LONRF1: variants seen among roughly 807,000 people sequenced by gnomAD.
LONRF1 encodes the protein LON peptidase N-terminal domain and RING finger protein 1.
A neutral mutation model predicts 85.8 loss-of-function variants in LONRF1; 37 were observed. That is an observed-to-expected ratio of 0.43 (90% CI 0.33 to 0.57). LONRF1 has a LOEUF of 0.57. Among genes scored for constraint, LONRF1 ranks in the 20% least tolerant of loss-of-function variants. The pLI, the probability that LONRF1 is intolerant of heterozygous loss-of-function variation, is 0.04. For missense variants in LONRF1, 1,036 were observed against 978.0 expected, an observed-to-expected ratio of 1.06 and a Z score of -0.79; for synonymous variants, 517 against 390.1, an observed-to-expected ratio of 1.33 and a Z score of -3.83.
chr8:12,751,310 T>TTTTTTTTTTTTTG (rs1799391566), intron 1 of LONRF1, among the ~76,000 whole-genome samples: 1 of 132,150 alleles, frequency 7.6e-6, no homozygotes, highest in East Asian at 2.1e-4. Flanking sequence ...TTTTTTTTTT[T>TTTTTTTTTTTTTG]TTTTTTTTTT....
At chr8:12,750,141 T>C (rs1473673762) in intron 1 of LONRF1, among the ~76,000 whole-genome samples, 1 of 152,252 alleles carries the variant, frequency 6.6e-6, no homozygotes, top group Non-Finnish European at 1.5e-5. Flanking sequence ...CAACTTTTCT[T>C]ACATCTGTGA....
chr8:12,737,311 C>T lies in LONRF1; in HGVS notation c.1114-171G>A, dbSNP rs1210742529. On this transcript the variant is annotated intron_variant, in intron 4 of 11. Coordinates refer to ENST00000398246, the MANE Select transcript of LONRF1 (RefSeq NM_152271.5). ...GTGACAAGTAAATGATTTTTGCCAGCACAGTTGGCCCTCCGTATCCACAGG... is the reference window on the plus strand; with the variant it reads ...GTGACAAGTAAATGATTTTTGCCAGTACAGTTGGCCCTCCGTATCCACAGG... The T allele has an allele frequency of 8.4e-6, 7 of 831,010 alleles. No individual in the cohort carries two copies. In the Admixed American group the frequency reaches 1.2e-4, roughly 14 times the overall value. The allele number at this position is 831,010 out of a possible 1,614,324, so 51.5% of individuals were successfully genotyped here.
intron 1 of LONRF1, 29 bp downstream of exon 1, chr8:12,754,666 TCGGCC>T: frequency 1.5e-6 from 2 of 1,298,044 alleles, no homozygotes. Context: ...GAGGGTGCGG[TCGGCC>T]CGGCCCCGCC....
chr8:12,747,865 T>G (rs1265867757), intron 1 of LONRF1, among the ~76,000 whole-genome samples: 1 of 152,232 alleles, frequency 6.6e-6, no homozygotes, highest in Non-Finnish European at 1.5e-5. Context: ...CTGTCTGGTC[T>G]GCTGGTGCCT....
In LONRF1 at chr8:12,722,944, A is replaced by C; in HGVS notation, c.*152T>G. 1 of 678,074 alleles carries C rather than the reference A, an allele frequency of 1.5e-6. No homozygotes were observed. 42.0% of individuals were successfully genotyped at this position (678,074 alleles called of 1,614,324 possible). On this transcript the variant is annotated 3_prime_UTR_variant, in exon 12 of 12. Coordinates refer to ENST00000398246, the MANE Select transcript of LONRF1 (RefSeq NM_152271.5). ...GTCTAAATCCTAGTTGAAGGTATTCATTTGCAGAACCACATGATTCAGGAG... is the reference window on the plus strand; with the variant it reads ...GTCTAAATCCTAGTTGAAGGTATTCCTTTGCAGAACCACATGATTCAGGAG...
At chr8:12,728,015 A>G (rs1798386072) in intron 10 of LONRF1, among the ~76,000 whole-genome samples, 1 of 152,204 alleles carries the variant, frequency 6.6e-6, no homozygotes, top group Non-Finnish European at 1.5e-5. Context: ...CTCATCTACT[A>G]TTTCATAGAG....
intron 3 of LONRF1, 86 bp downstream of exon 3, chr8:12,740,788 T>A: frequency 6.6e-7 from 1 of 1,507,248 alleles, no homozygotes; most frequent in Non-Finnish European, 8.9e-7. Flanking sequence ...ACTTATGTTC[T>A]TATTCCAACT....
intron 7 of LONRF1, among the ~76,000 whole-genome samples, chr8:12,734,766 G>T (rs1397328825): frequency 6.6e-6 from 1 of 152,134 alleles, no homozygotes; most frequent in Non-Finnish European, 1.5e-5. Context: ...TTAATAAAAT[G>T]TAAATATAGT....
Position 12,755,111 on chromosome 8 carries a change from C to A in LONRF1, c.310G>T (p.Gly104Cys), listed in dbSNP as rs961740962. The change falls in exon 1 of 12, where the codon GGC becomes TGC. Residue 104 changes from glycine (G) to cysteine (C), a missense_variant. Coordinates refer to ENST00000398246, the MANE Select transcript of LONRF1 (RefSeq NM_152271.5). ...VFNYRLRHGLGWSAAPVAGAD... is the reference protein window; with the variant it reads ...VFNYRLRHGLCWSAAPVAGAD... Reference sequence around the variant, plus strand: ...CCTGCAACCGGGGCCGCGCTCCAGCCCAGCCCGTGGCGGAGCCGGTAGTTG... The same window carrying A: ...CCTGCAACCGGGGCCGCGCTCCAGCACAGCCCGTGGCGGAGCCGGTAGTTG... The A allele has an allele frequency of 2.1e-6, 3 of 1,462,454 alleles. No individual in the cohort carries two copies. Among genetic ancestry groups the A allele is most frequent in the East Asian group, 6.1e-5 (2 of 33,004 alleles). 90.6% of individuals were successfully genotyped at this position (1,462,454 alleles called of 1,614,324 possible).
At chr8:12,753,140 G>C (rs370719468) in intron 1 of LONRF1, 11 of 151,158 alleles carry the variant, frequency 7.3e-5, no homozygotes, top group African/African-American at 2.4e-4. Flanking sequence ...CTTTTTTTTT[G>C]TTCTGAGCCT....
In LONRF1 at chr8:12,754,776, G is replaced by T; in HGVS notation, c.645C>A (p.Ala215=). 6.8e-7 allele frequency: 1 copy of T among 1,473,272 alleles called. No homozygotes were observed. Among genetic ancestry groups the T allele is most frequent in the Non-Finnish European group, 8.9e-7 (1 of 1,120,410 alleles). The allele number at this position is 1,473,272 out of a possible 1,614,324, so 91.3% of individuals were successfully genotyped here. ...GGTGCAGTAGCTCCCCGAGCCTGCC[G>T]GCCGCCCGGGCCCGCTCGCGCTGGC... ...FPGQRERARA[A]GRLGELLHQG... The change falls in exon 1 of 12, where the codon GCC becomes GCA. Residue 215 remains alanine, a synonymous_variant. Transcript: ENST00000398246.
In LONRF1 at chr8:12,722,739, A is replaced by G. The variant is rs1371282771; in HGVS notation, c.*357T>C. ...GTTTGTTTTAAAATTTTAAAGCCAG[A>G]GAAAATACACACACACTACCCAACC... On this transcript the variant is annotated 3_prime_UTR_variant, in exon 12 of 12. Transcript: ENST00000398246. 3 of 158,614 alleles carry G rather than the reference A, an allele frequency of 1.9e-5. No homozygotes were observed. The highest frequency in any genetic ancestry group is 2.8e-5 in the Non-Finnish European group (2 of 72,098). The allele number at this position is 158,614 out of a possible 1,614,324, so 9.8% of individuals were successfully genotyped here.
rs1395658368 is a variant in LONRF1 at position 12,755,040 on chromosome 8, C to G, written c.381G>C (p.Arg127=). ...AGGLLRCLGC[R]GFLSEPVTVP... Reference sequence around the variant, plus strand: ...CGGTCACCGGCTCGCTCAGGAAGCCCCGGCAGCCCAGGCATCTGAGGAGCC... The same window carrying G: ...CGGTCACCGGCTCGCTCAGGAAGCCGCGGCAGCCCAGGCATCTGAGGAGCC... Residue 127 remains arginine, a synonymous_variant, in exon 1 of 12, where the codon CGG becomes CGC. Transcript: ENST00000398246. 2 of 1,490,812 alleles carry G rather than the reference C, an allele frequency of 1.3e-6. No individual in the cohort carries two copies. The highest frequency in any genetic ancestry group is 2.8e-5 in the East Asian group (1 of 35,316). The allele number at this position is 1,490,812 out of a possible 1,614,324, so 92.3% of individuals were successfully genotyped here.
intron 7 of LONRF1, among the ~76,000 whole-genome samples, chr8:12,732,852 A>T (rs1400948204): frequency 6.6e-6 from 1 of 152,198 alleles, no homozygotes; most frequent in Non-Finnish European, 1.5e-5. Flanking sequence ...CCCAATACAT[A>T]TTTATTTCAT....
chr8:12,746,735 A>C (rs1023261108), intron 1 of LONRF1, among the ~76,000 whole-genome samples: 1 of 152,228 alleles, frequency 6.6e-6, no homozygotes, highest in African/African-American at 2.4e-5. Context: ...TATAGAAAAC[A>C]GTGAAGAGTA....
chr8:12,752,672 C>T (rs1799455888), intron 1 of LONRF1, among the ~76,000 whole-genome samples: 1 of 152,180 alleles, frequency 6.6e-6, no homozygotes, highest in South Asian at 2.1e-4. Context: ...TATCCTCGAT[C>T]CAAGAACCAG....
chr8:12,753,818 C>T (rs1799510167), intron 1 of LONRF1: 1 of 150,658 alleles, frequency 6.6e-6, no homozygotes, highest in Non-Finnish European at 1.5e-5. Context: ...GCACTCAAGA[C>T]CTATAAGGCC....
At chr8:12,728,731 ACAGTTTCAGAG>A (rs1261237507) in intron 10 of LONRF1, among the ~76,000 whole-genome samples, 159 bp downstream of exon 10, 1 of 152,236 alleles carries the variant, frequency 6.6e-6, no homozygotes, top group Non-Finnish European at 1.5e-5. Flanking sequence ...AGAATGTGCA[ACAGTTTCAGAG>A]CAAGATACGA....
intron 2 of LONRF1, among the ~76,000 whole-genome samples, chr8:12,741,552 C>A (rs868855891): frequency 2.0e-5 from 3 of 152,086 alleles, no homozygotes; most frequent in South Asian, 2.1e-4. Context: ...TGGGCAGGAT[C>A]AGAAATACCA....
Sources: gnomAD v4.1 joint callset for allele counts (sites outside exome capture counted in the v4.1 genomes callset) on GRCh38, gnomAD v4.1.1 for gene constraint, MANE v1.5 for transcripts, NCBI Gene and HGNC (gene_info 2026-07-23, HGNC 2026-07-21) for gene names.